Variants in ARMH4 observed in about 807,000 individuals in gnomAD.
ARMH4 encodes armadillo like helical domain containing 4, also known as armadillo-like helical domain-containing protein 4.
Under a neutral mutation model 61.9 loss-of-function variants are expected in ARMH4, and 49 were observed. The observed-to-expected ratio is 0.79, with a 90% CI of 0.63 to 1.00. ARMH4 has a LOEUF of 1.00. Ranked by LOEUF, ARMH4 falls within the 50% of genes least tolerant of loss-of-function variation. The pLI is 0.00. For missense variants in ARMH4, 934 were observed against 930.0 expected, an observed-to-expected ratio of 1.00 and a Z score of -0.06; for synonymous variants, 368 against 341.5, an observed-to-expected ratio of 1.08 and a Z score of -0.85.
chr14:58,054,214 G>T (rs549561627), intron 5 of ARMH4, among the ~76,000 whole-genome samples: 1 of 152,306 alleles, frequency 6.6e-6, no homozygotes, highest in East Asian at 1.9e-4. Flanking sequence ...CTGTGACTCT[G>T]CCTGTGAAGT....
At chr14:58,099,274 T>C (rs989007100) in intron 4 of ARMH4, among the ~76,000 whole-genome samples, 2 of 152,116 alleles carry the variant, frequency 1.3e-5, no homozygotes, top group Admixed American at 6.5e-5. Flanking sequence ...AAGGTGAATA[T>C]AGACAGAAAG....
intron 5 of ARMH4, among the ~76,000 whole-genome samples, chr14:58,092,352 G>A (rs1013453064): frequency 1.6e-4 from 25 of 152,166 alleles, no homozygotes; most frequent in Non-Finnish European, 3.1e-4. Flanking sequence ...AAAAGTATAC[G>A]TAATTTTACA....
At chr14:58,026,194 C>CA (rs1399360625) in intron 5 of ARMH4, among the ~76,000 whole-genome samples, 2 of 152,018 alleles carry the variant, frequency 1.3e-5, no homozygotes, top group Admixed American at 6.6e-5. Context: ...ATATATGACA[C>CA]ATAAATGAGG....
chr14:58,039,539 A>T (rs1883611212), intron 5 of ARMH4, among the ~76,000 whole-genome samples: 1 of 152,216 alleles, frequency 6.6e-6, no homozygotes, highest in Non-Finnish European at 1.5e-5. Flanking sequence ...AATCTTTCCC[A>T]TTAACTCTTT....
intron 1 of ARMH4, chr14:58,141,521 C>T (rs536387651): frequency 7.3e-5 from 39 of 535,508 alleles, no homozygotes; most frequent in Middle Eastern, 6.2e-4. Context: ...ACTGAGCCTT[C>T]CCTCCGCCAG....
At position 58,077,568 on chromosome 14, in the gene ARMH4, C is replaced by T. The variant is rs115710322; in HGVS notation, c.2089+19156G>A. Among the ~76,000 whole-genome samples, 948 of 152,320 alleles carry T rather than the reference C, an allele frequency of 6.2e-3. 15 individuals are homozygous for T. The highest frequency in any genetic ancestry group is 0.021 in the African/African-American group (876 of 41,558). On this transcript the variant is annotated intron_variant, in intron 5 of 7. Transcript: ENST00000267485. ...GTTGTAATGAGATGTGTTTGCACCA[C>T]TGCACTCCAGCCTGGGTGACAGACT...
chr14:58,147,180 T>G (rs1412262290), intron 1 of ARMH4, among the ~76,000 whole-genome samples: 4 of 152,192 alleles, frequency 2.6e-5, no homozygotes, highest in Non-Finnish European at 5.9e-5. Context: ...TCACAACCGC[T>G]GTGGATCCTC....
At position 58,139,365 on chromosome 14, in the gene ARMH4, A is replaced by G. The variant is rs561407623; in HGVS notation, c.-7T>C. 2.8e-5 allele frequency: 45 copies of G among 1,613,386 alleles called. No individual in the cohort carries two copies. The East Asian group carries it at 9.1e-4, about 33-fold the overall frequency. On this transcript the variant is annotated 5_prime_UTR_variant, in exon 2 of 8. Coordinates refer to ENST00000267485, the MANE Select transcript of ARMH4 (RefSeq NM_001001872.4). The stretch of plus-strand genomic sequence containing the variant: ...ATACAATCGGTCCTCTCATAGTGGA[A>G]GAGAAATGGCACGTACACTGGCAGA...
At chr14:58,134,873 C>A (rs1272495876) in intron 2 of ARMH4, among the ~76,000 whole-genome samples, 1 of 151,178 alleles carries the variant, frequency 6.6e-6, no homozygotes, top group Non-Finnish European at 1.5e-5. Flanking sequence ...AGGACAATTG[C>A]CTGAACCCAG....
chr14:58,078,762 A>C (rs985191636), intron 5 of ARMH4, among the ~76,000 whole-genome samples: 6 of 152,228 alleles, frequency 3.9e-5, no homozygotes, highest in African/African-American at 1.4e-4. Flanking sequence ...TGTGTTCCCA[A>C]AAACCTTTCT....
In ARMH4 at chr14:58,087,410, G is replaced by T. The variant is rs1008205036; in HGVS notation, c.2089+9314C>A. Reference sequence around the variant, plus strand: ...TTTTCACCTGAGGGGTTAGCTGAGTGCTCTGGACATACTAAATTCTCATGG... The same window carrying T: ...TTTTCACCTGAGGGGTTAGCTGAGTTCTCTGGACATACTAAATTCTCATGG... On this transcript the variant is annotated intron_variant, in intron 5 of 7. Transcript: ENST00000267485. Among the ~76,000 whole-genome samples, 4 of 152,250 alleles carry T rather than the reference G, an allele frequency of 2.6e-5. No homozygotes were observed. The East Asian group carries it at 7.7e-4, about 29-fold the overall frequency.
chr14:58,130,738 T>C (rs1386010065), intron 4 of ARMH4, among the ~76,000 whole-genome samples: 1 of 152,178 alleles, frequency 6.6e-6, no homozygotes, highest in Admixed American at 6.5e-5. Flanking sequence ...TATCTCCAAA[T>C]AGTAGCACAG....
At chr14:58,087,687 TG>T (rs530863709) in intron 5 of ARMH4, among the ~76,000 whole-genome samples, 3 of 152,188 alleles carry the variant, frequency 2.0e-5, no homozygotes, top group Non-Finnish European at 4.4e-5. Flanking sequence ...CTGAGATTTT[TG>T]GTGTGAAATT....
chr14:58,026,547 AT>A (rs1883027957), intron 5 of ARMH4, among the ~76,000 whole-genome samples: 1 of 151,694 alleles, frequency 6.6e-6, no homozygotes, highest in African/African-American at 2.4e-5. Flanking sequence ...TTCATACTTT[AT>A]TTTTAACAGA....
intron 5 of ARMH4, among the ~76,000 whole-genome samples, chr14:58,075,364 T>C (rs565921653): frequency 3.3e-4 from 51 of 152,314 alleles, no homozygotes; most frequent in Non-Finnish European, 2.6e-4. Context: ...CAAATGCCCA[T>C]CAATGATAGA....
At chr14:58,015,907 T>A (rs11158192) in intron 5 of ARMH4, among the ~76,000 whole-genome samples, 39,557 of 150,704 alleles carry the variant, frequency 0.26, 5,360 homozygotes, top group Non-Finnish European at 0.3. Context: ...AAATTTAAAT[T>A]TAAATTTAAT....
chr14:58,022,934 ATAGTC>A (rs200778008), intron 5 of ARMH4, among the ~76,000 whole-genome samples: 3 of 152,246 alleles, frequency 2.0e-5, no homozygotes, highest in Non-Finnish European at 2.9e-5. Flanking sequence ...GCACTATAGT[ATAGTC>A]TAGTAAGTAT....
chr14:58,125,861 C>A (rs1336935358), intron 4 of ARMH4, among the ~76,000 whole-genome samples: 1 of 152,180 alleles, frequency 6.6e-6, no homozygotes, highest in Non-Finnish European at 1.5e-5. Flanking sequence ...GATTAAGAAT[C>A]CCTAAGCCTA....
At chr14:58,085,140 C>G (rs1306281921) in intron 5 of ARMH4, among the ~76,000 whole-genome samples, 2 of 151,996 alleles carry the variant, frequency 1.3e-5, no homozygotes, top group East Asian at 3.9e-4. Context: ...ATAGAGTGGA[C>G]CAAGAGCATT....
Sources: allele counts gnomAD v4.1 joint callset (sites outside exome capture counted in the v4.1 genomes callset), GRCh38; gene constraint gnomAD v4.1.1; transcripts MANE v1.5; gene names NCBI Gene and HGNC (gene_info 2026-07-23, HGNC 2026-07-21).